RABEP1: variants seen among roughly 807,000 people sequenced by gnomAD.
RABEP1 encodes rabaptin, RAB GTPase binding effector protein 1.
RABEP1 carries 51 observed loss-of-function variants against 123.4 expected under a neutral mutation model. That is an observed-to-expected ratio of 0.41 (90% CI 0.33 to 0.52). RABEP1 has a LOEUF of 0.52. Among genes scored for constraint, RABEP1 ranks in the 20% least tolerant of loss-of-function variants. The pLI is 0.16. For synonymous variants in RABEP1, 347 were observed against 355.2 expected, an observed-to-expected ratio of 0.98 and a Z score of 0.26; for missense variants, 888 against 996.3, an observed-to-expected ratio of 0.89 and a Z score of 1.46.
At chr17:5,290,603 TA>T (rs1312423533) in intron 1 of RABEP1, among the ~76,000 whole-genome samples, 3 of 152,136 alleles carry the variant, frequency 2.0e-5, no homozygotes, top group Non-Finnish European at 2.9e-5. Flanking sequence ...TATTTATTAT[TA>T]TTTTTTGAGA....
At chr17:5,302,940 A>G (rs1187779475) in intron 1 of RABEP1, among the ~76,000 whole-genome samples, 1 of 152,224 alleles carries the variant, frequency 6.6e-6, no homozygotes, top group Non-Finnish European at 1.5e-5. Flanking sequence ...CCATTAAATT[A>G]TGAATACTTT....
At chr17:5,354,205 G>A (rs76825724) in intron 7 of RABEP1, among the ~76,000 whole-genome samples, 154 bp from the exon 8 acceptor site, 3,207 of 152,196 alleles carry the variant, frequency 0.021, 105 homozygotes, top group East Asian at 0.13. Flanking sequence ...ATGGCCAGAG[G>A]CCCTTAGATG....
intron 2 of RABEP1, among the ~76,000 whole-genome samples, chr17:5,325,128 C>G (rs143430630): frequency 2.6e-5 from 4 of 152,028 alleles, no homozygotes; most frequent in Non-Finnish European, 4.4e-5. Flanking sequence ...GCCTGGGCAA[C>G]ATGGTGAAAC....
In RABEP1 at chr17:5,365,144, T is replaced by C. The variant is rs1454827158; in HGVS notation, c.1691T>C (p.Leu564Pro). The C allele has an allele frequency of 6.2e-7, 1 of 1,608,154 alleles. No homozygotes were observed. Among genetic ancestry groups the C allele is most frequent in the Non-Finnish European group, 8.5e-7 (1 of 1,178,108 alleles). Residue 564 changes from leucine to proline, a missense_variant, in exon 11 of 18, where the codon CTA (leucine) becomes CCA (proline). Transcript: ENST00000537505. ...RDQVKKLQLM[L>P]RQANDQLEKT... ...CAGGTGAAAAAACTACAGCTGATGC[T>C]AAGGCAAGCTAATGACCAGTTAGAG...
chr17:5,291,918 A>T (rs2075037414), intron 1 of RABEP1, among the ~76,000 whole-genome samples: 1 of 152,206 alleles, frequency 6.6e-6, no homozygotes, highest in African/African-American at 2.4e-5. Flanking sequence ...AGTGGTGATA[A>T]GTCTGATTCA....
chr17:5,341,916 A>G (rs560021770), intron 5 of RABEP1, among the ~76,000 whole-genome samples: 3 of 152,368 alleles, frequency 2.0e-5, no homozygotes, highest in African/African-American at 7.2e-5. Flanking sequence ...TTTGGCAAAC[A>G]TAGTTAAGGG....
chr17:5,346,707 CATAG>C, intron 5 of RABEP1, 79 bp from the exon 6 acceptor site: 1 of 1,126,702 alleles, frequency 8.9e-7, no homozygotes. Context: ...TTTTTTGAGG[CATAG>C]CCAGAACTTA....
intron 7 of RABEP1, among the ~76,000 whole-genome samples, 158 bp from the exon 8 acceptor site, chr17:5,354,201 A>C (rs1908813228): frequency 6.6e-6 from 1 of 152,198 alleles, no homozygotes. Context: ...TGTAATGGCC[A>C]GAGGCCCTTA....
chr17:5,352,559 G>A (rs549837000), intron 7 of RABEP1, among the ~76,000 whole-genome samples: 109 of 151,528 alleles, frequency 7.2e-4, no homozygotes, highest in African/African-American at 2.4e-3. Context: ...GGCCGGGCGC[G>A]GATGGTCACA....
intron 11 of RABEP1, among the ~76,000 whole-genome samples, chr17:5,367,416 C>A (rs192686786): frequency 6.6e-6 from 1 of 150,858 alleles, no homozygotes; most frequent in Non-Finnish European, 1.5e-5. Flanking sequence ...GGACTACAGG[C>A]ACCCGCCACC....
At chr17:5,358,117 T>C (rs780313088) in intron 8 of RABEP1, among the ~76,000 whole-genome samples, 1 of 152,116 alleles carries the variant, frequency 6.6e-6, no homozygotes, top group Non-Finnish European at 1.5e-5. Flanking sequence ...AGTTGTTTAT[T>C]ATCTCTAGAA....
chr17:5,368,651 C>T (rs1164230075), intron 12 of RABEP1, among the ~76,000 whole-genome samples, 183 bp downstream of exon 12: 1 of 152,118 alleles, frequency 6.6e-6, no homozygotes. Context: ...CTTTTTTAAA[C>T]CTACTTTCTG....
At chr17:5,315,844 T>G (rs954677062) in intron 2 of RABEP1, among the ~76,000 whole-genome samples, 1 of 152,082 alleles carries the variant, frequency 6.6e-6, no homozygotes, top group African/African-American at 2.4e-5. Flanking sequence ...AGAGTGAGAC[T>G]CCATCTCAAA....
At chr17:5,295,793 A>C (rs991879009) in intron 1 of RABEP1, among the ~76,000 whole-genome samples, 2 of 152,152 alleles carry the variant, frequency 1.3e-5, no homozygotes, top group Non-Finnish European at 1.5e-5. Context: ...AGGATGTCAA[A>C]GATCTGAGTT....
chr17:5,336,722 G>C, intron 4 of RABEP1: 1 of 240,712 alleles, frequency 4.2e-6, no homozygotes, highest in South Asian at 4.9e-5. Context: ...TTTTTTTCCT[G>C]TTGTTTTTTA....
intron 12 of RABEP1, among the ~76,000 whole-genome samples, chr17:5,372,878 C>T (rs1402174695): frequency 6.6e-6 from 1 of 152,244 alleles, no homozygotes; most frequent in South Asian, 2.1e-4. Context: ...GCCTCAGCCT[C>T]CCTCCCTAGT....
intron 8 of RABEP1, among the ~76,000 whole-genome samples, chr17:5,360,627 T>C (rs2144673376): frequency 6.6e-6 from 1 of 152,344 alleles, no homozygotes; most frequent in Non-Finnish European, 1.5e-5. Flanking sequence ...CCTTTGCTCA[T>C]CCCCAAGATG....
chr17:5,373,157 G>A (rs1277914774), intron 12 of RABEP1, among the ~76,000 whole-genome samples, 157 bp from the exon 13 acceptor site: 1 of 152,118 alleles, frequency 6.6e-6, no homozygotes, highest in Non-Finnish European at 1.5e-5. Context: ...CTGTAAACCA[G>A]AAAATCTCTG....
intron 1 of RABEP1, among the ~76,000 whole-genome samples, chr17:5,294,633 C>CTTTGTTTTTTTTTTTTT (rs2075063758): frequency 1.9e-5 from 1 of 53,024 alleles, no homozygotes; most frequent in Non-Finnish European, 3.4e-5. Flanking sequence ...ACGGTATTGT[C>CTTTGTTTTTTTTTTTTT]TTTTTTTTTT....
Sources: allele counts gnomAD v4.1 joint callset (sites outside exome capture counted in the v4.1 genomes callset), GRCh38; gene constraint gnomAD v4.1.1; transcripts MANE v1.5; gene names NCBI Gene and HGNC (gene_info 2026-07-23, HGNC 2026-07-21).